ABCC12: variants seen among roughly 807,000 people sequenced by gnomAD.
The protein encoded by ABCC12 is ATP binding cassette subfamily C member 12.
Under a neutral mutation model 151.1 loss-of-function variants are expected in ABCC12, and 142 were observed. That is an observed-to-expected ratio of 0.94 (90% CI 0.82 to 1.08). The LOEUF (loss-of-function observed/expected upper bound fraction) is 1.08. ABCC12 is among the 50% of genes least tolerant of loss of function. The pLI is 0.00. For missense variants in ABCC12, 1,638 were observed against 1,691.1 expected, an observed-to-expected ratio of 0.97 and a Z score of 0.55; for synonymous variants, 645 against 646.4, an observed-to-expected ratio of 1.00 and a Z score of 0.03.
chr16:48,128,661 T>A lies in ABCC12; in HGVS notation c.1313A>T (p.Asn438Ile), dbSNP rs773811345. The A allele has an allele frequency of 1.2e-6, 2 of 1,614,206 alleles. No individual in the cohort carries two copies. The highest frequency in any genetic ancestry group is 3.3e-5 in the Admixed American group (2 of 60,024). Residue 438 changes from asparagine to isoleucine, a missense_variant, in exon 11 of 31, where the codon AAT (asparagine) becomes ATT (isoleucine). Transcript: ENST00000311303. ...TTCATGCTCCCATGTCAAGGTGGCA[T>A]TTGCTAAAAGCAAGACAGTATCTGG... ...EDPDTVLLLA[N>I]ATLTWEHEAS...
rs2150576378 is a variant in ABCC12 at position 48,084,093 on chromosome 16, A to G, written c.3829-20T>C. The G allele has an allele frequency of 1.9e-6, 3 of 1,593,612 alleles. No homozygotes were observed. Among genetic ancestry groups the G allele is most frequent in the Non-Finnish European group, 2.6e-6 (3 of 1,174,896 alleles). On this transcript the variant is annotated intron_variant, in intron 29 of 30. Coordinates refer to ENST00000311303, the MANE Select transcript of ABCC12 (RefSeq NM_001393797.1). ...AATGATCTGTGGAGGAGGAAACATT[A>G]TAAGCCAAAGGCGCACTGAGAGGGG...
chr16:48,096,940 C>A, intron 23 of ABCC12, 38 bp from the exon 24 acceptor site: 1 of 1,613,538 alleles, frequency 6.2e-7, no homozygotes, highest in South Asian at 1.1e-5. Flanking sequence ...AACCTACAGT[C>A]AAGAAAATCA....
chr16:48,083,642 C>T lies in ABCC12; in HGVS notation c.*73G>A. On this transcript the variant is annotated 3_prime_UTR_variant, in exon 31 of 31. Coordinates refer to ENST00000311303, the MANE Select transcript of ABCC12 (RefSeq NM_001393797.1). ...CCAGGGCTGCCTGCGGAGAGGACAG[C>T]CCCTCCTCCTGAAGACTCCTCCTAT... The T allele has an allele frequency of 6.7e-7, 1 of 1,491,152 alleles. No individual in the cohort carries two copies. Among genetic ancestry groups the T allele is most frequent in the South Asian group, 1.2e-5 (1 of 86,428 alleles). The allele number at this position is 1,491,152 out of a possible 1,614,324, so 92.4% of individuals were successfully genotyped here. A position where few individuals can be genotyped will look rare whatever the true frequency, so the allele number is the denominator to read the frequency against.
chr16:48,117,793 A>T (rs1441387212), intron 13 of ABCC12, among the ~76,000 whole-genome samples: 1 of 152,048 alleles, frequency 6.6e-6, no homozygotes, highest in African/African-American at 2.4e-5. Flanking sequence ...GGGCTGGGTG[A>T]TCACCAGTGA....
In ABCC12 at chr16:48,128,617, G is replaced by A; in HGVS notation, c.1357C>T (p.Pro453Ser). The stretch of plus-strand genomic sequence containing the variant: ...CTTTTCTGGTTCTGCAATTTCTTTG[G>A]GGTACTTTTCCTGCTGGCTTCATGC... The part of the protein sequence containing the change: ...WEHEASRKST[P>S]KKLQNQKRHL... Residue 453 changes from proline (P) to serine (S), a missense_variant, in exon 11 of 31, where the codon CCA (proline) becomes TCA (serine). Physicochemically the swap from Pro to Ser is moderately conservative, Grantham distance 74 (BLOSUM62 -1). Transcript: ENST00000311303. 1 of 1,614,134 alleles carries A rather than the reference G, an allele frequency of 6.2e-7. No individual in the cohort carries two copies. Among genetic ancestry groups the A allele is most frequent in the South Asian group, 1.1e-5 (1 of 91,080 alleles).
intron 7 of ABCC12, among the ~76,000 whole-genome samples, chr16:48,138,875 A>T (rs1225444657): frequency 1.3e-5 from 2 of 152,086 alleles, no homozygotes; most frequent in Admixed American, 6.5e-5. Flanking sequence ...GGACTGAGAC[A>T]GGAAGACTGC....
At chr16:48,093,026 G>A (rs994148277) in intron 24 of ABCC12, among the ~76,000 whole-genome samples, 2 of 152,130 alleles carry the variant, frequency 1.3e-5, no homozygotes, top group Non-Finnish European at 2.9e-5. Flanking sequence ...TAGAGCAATG[G>A]CTCTCAACCT....
At chr16:48,116,649 T>G (rs2150627311) in intron 14 of ABCC12, among the ~76,000 whole-genome samples, 1 of 152,222 alleles carries the variant, frequency 6.6e-6, no homozygotes, top group Admixed American at 6.5e-5. Flanking sequence ...GGATGCAGAC[T>G]GAGGGCACCA....
intron 6 of ABCC12, among the ~76,000 whole-genome samples, chr16:48,139,670 G>A (rs1262152508): frequency 1.3e-5 from 2 of 152,106 alleles, no homozygotes; most frequent in South Asian, 2.1e-4. Flanking sequence ...CGCTTCTTTC[G>A]GGAAGAGATG....
chr16:48,141,415 G>C (rs915959837), intron 4 of ABCC12, 62 bp from the exon 5 acceptor site: 7 of 1,591,628 alleles, frequency 4.4e-6, no homozygotes, highest in Non-Finnish European at 6.0e-6. Flanking sequence ...TTGAAGCTAC[G>C]CTGTTGGGCA....
rs1031656784 is a variant in ABCC12, at chr16:48,081,481, G to A, written c.*2234C>T. 1.3e-5 allele frequency among the ~76,000 whole-genome samples: 2 copies of A among 152,160 alleles called. No individual in the cohort carries two copies. Among genetic ancestry groups the A allele is most frequent in the South Asian group, 4.1e-4 (2 of 4,822 alleles). ...GACTGGAGGGGCTTTGTTGTGAAGG[G>A]GTTGGGAGCAGGGCCTGTGGAGCCA... is the stretch of plus-strand genomic sequence containing the variant. On this transcript the variant is annotated 3_prime_UTR_variant, in exon 31 of 31. Transcript: ENST00000311303.
chr16:48,097,547 A>T (rs775427308), intron 23 of ABCC12, among the ~76,000 whole-genome samples: 2 of 152,188 alleles, frequency 1.3e-5, no homozygotes, highest in South Asian at 2.1e-4. Flanking sequence ...AGAGGGGGGA[A>T]GAAGCACAGA....
chr16:48,095,476 G>A (rs1012354827), intron 24 of ABCC12, among the ~76,000 whole-genome samples: 1 of 151,632 alleles, frequency 6.6e-6, no homozygotes, highest in African/African-American at 2.4e-5. Flanking sequence ...AAAATATGCT[G>A]CATCCATGTA....
At chr16:48,083,880 G>A (rs1452078341) in intron 30 of ABCC12, 29 bp downstream of exon 30, 1 of 1,612,710 alleles carries the variant, frequency 6.2e-7, no homozygotes, top group Admixed American at 1.7e-5. Flanking sequence ...GACTTTCTGG[G>A]GAGGTGAAGC....
intron 22 of ABCC12, among the ~76,000 whole-genome samples, chr16:48,101,291 C>G (rs1166572382): frequency 6.6e-6 from 1 of 152,134 alleles, no homozygotes; most frequent in East Asian, 1.9e-4. Flanking sequence ...TGATTCTAGT[C>G]TTCTAAAACC....
At chr16:48,095,660 G>C (rs1242120699) in intron 24 of ABCC12, among the ~76,000 whole-genome samples, 1 of 149,674 alleles carries the variant, frequency 6.7e-6, no homozygotes, top group Non-Finnish European at 1.5e-5. Context: ...GAAACATAGA[G>C]AATTGATGCA....
rs745993838 is a variant in ABCC12, at chr16:48,146,318, C to A, written c.107G>T (p.Arg36Leu). Residue 36 changes from arginine (R) to leucine (L), a missense_variant, in exon 3 of 31, where the codon CGA (arginine) becomes CTA (leucine). Transcript: ENST00000311303. ...TCTTCTGACTTACCTTGCACAGGGT[C>A]GCACTGGGATCATGGTCTTCAGGCT... is the stretch of plus-strand genomic sequence containing the variant. Reference protein sequence around the residue: ...DPSLKTMIPVRPCARLAPNPV... With the variant: ...DPSLKTMIPVLPCARLAPNPV... The A allele has an allele frequency of 1.9e-6, 3 of 1,614,022 alleles. No individual in the cohort carries two copies. The Admixed American group carries it at 5.0e-5, about 27-fold the overall frequency.
At chr16:48,094,044 C>T (rs2150590703) in intron 24 of ABCC12, among the ~76,000 whole-genome samples, 1 of 152,318 alleles carries the variant, frequency 6.6e-6, no homozygotes, top group Admixed American at 6.5e-5. Context: ...CTGTGCACAA[C>T]CTTACAGGAA....
intron 24 of ABCC12, among the ~76,000 whole-genome samples, chr16:48,093,495 G>A (rs527534564): frequency 2.0e-5 from 3 of 152,208 alleles, no homozygotes; most frequent in South Asian, 2.1e-4. Context: ...TTCCCCTTCC[G>A]ACAGCCACAT....
Sources: gnomAD v4.1 joint callset for allele counts (sites outside exome capture counted in the v4.1 genomes callset) on GRCh38, gnomAD v4.1.1 for gene constraint, MANE v1.5 for transcripts, NCBI Gene and HGNC (gene_info 2026-07-23, HGNC 2026-07-21) for gene names.